Variants in RPS6KA3 observed in about 807,000 individuals in gnomAD.
RPS6KA3 encodes the protein ribosomal protein S6 kinase A3, also known as ribosomal protein S6 kinase alpha-3.
Under a neutral mutation model 67.2 loss-of-function variants are expected in RPS6KA3, and 4 were observed. The observed-to-expected ratio is 0.06, with a 90% CI of 0.03 to 0.14. The LOEUF (loss-of-function observed/expected upper bound fraction) is 0.14, where lower values mean the gene tolerates loss of function less well. Among genes scored for constraint, RPS6KA3 ranks in the 10% least tolerant of loss-of-function variants. The probability of loss-of-function intolerance (pLI) is 1.00; values close to 1 mark genes in which losing one functional copy is unlikely to be tolerated. For missense variants in RPS6KA3, 204 were observed against 559.0 expected, an observed-to-expected ratio of 0.36 and a Z score of 6.40; for synonymous variants, 182 against 183.7, an observed-to-expected ratio of 0.99 and a Z score of 0.07.
rs372795866 is a variant in RPS6KA3, at chrX:20,175,150, A to G, written c.1227+14T>C. ...CAACATTCCAAATCTAAAATTATTT[A>G]GACATCCACTCACCTGAACAATTGA... On this transcript the variant is annotated intron_variant, in intron 14 of 21. Transcript: ENST00000379565. 21 of 1,194,470 alleles carry G rather than the reference A, an allele frequency of 1.8e-5. No individual in the cohort carries two copies. The highest frequency in any genetic ancestry group is 2.2e-5 in the Non-Finnish European group (19 of 880,698).
intron 2 of RPS6KA3, among the ~76,000 whole-genome samples, chrX:20,211,066 G>A (rs1041481287): frequency 1.8e-5 from 2 of 109,840 alleles, no homozygotes; most frequent in Non-Finnish European, 3.8e-5. Flanking sequence ...TAGAAATCCA[G>A]GAAATACTAT....
intron 3 of RPS6KA3, among the ~76,000 whole-genome samples, chrX:20,207,186 G>C (rs2068593391): frequency 8.9e-6 from 1 of 111,878 alleles, no homozygotes; most frequent in Non-Finnish European, 1.9e-5. Context: ...ATTCTCAAGG[G>C]GTGGCAGGCA....
intron 2 of RPS6KA3, among the ~76,000 whole-genome samples, chrX:20,214,859 G>C (rs1397505186): frequency 1.3e-4 from 11 of 85,441 alleles, no homozygotes; most frequent in African/African-American, 4.8e-4. Context: ...TTTTTTTTGA[G>C]ACAGGGTCTC....
intron 10 of RPS6KA3, among the ~76,000 whole-genome samples, chrX:20,177,742 T>TC (rs2067734899): frequency 8.9e-6 from 1 of 111,869 alleles, no homozygotes; most frequent in Admixed American, 9.5e-5. Flanking sequence ...TCGGAACTCC[T>TC]CCTCAAAGGG....
At chrX:20,252,326 G>A (rs1422588064) in intron 1 of RPS6KA3, among the ~76,000 whole-genome samples, 1 of 111,389 alleles carries the variant, frequency 9.0e-6, no homozygotes, top group Non-Finnish European at 1.9e-5. Context: ...TCTCACTCAT[G>A]TTGCGATTTT....
chrX:20,177,541 A>C (rs2067729582), intron 10 of RPS6KA3, among the ~76,000 whole-genome samples: 1 of 112,802 alleles, frequency 8.9e-6, no homozygotes, highest in South Asian at 3.6e-4. Context: ...TTTAGTTCAT[A>C]ATCTAATAAG....
chrX:20,159,675 AACTT>A (rs2045097370), intron 20 of RPS6KA3, among the ~76,000 whole-genome samples: 1 of 111,954 alleles, frequency 8.9e-6, no homozygotes, highest in Non-Finnish European at 1.9e-5. Context: ...TGATAACCTC[AACTT>A]GCTTTAACTT....
intron 1 of RPS6KA3, among the ~76,000 whole-genome samples, chrX:20,240,361 T>C (rs1279393882): frequency 2.1e-5 from 2 of 96,995 alleles, no homozygotes; most frequent in East Asian, 6.8e-4. Flanking sequence ...AACTCCCTGA[T>C]ATCAGCAGTG....
At chrX:20,213,915 A>G (rs931949439) in intron 2 of RPS6KA3, among the ~76,000 whole-genome samples, 34 of 108,551 alleles carry the variant, frequency 3.1e-4, no homozygotes, top group African/African-American at 1.0e-3. Context: ...GGCCCATAAC[A>G]ACGACTCCCA....
Position 20,193,537 on chromosome X carries a change from T to C in RPS6KA3, c.543A>G (p.Leu181=), listed in dbSNP as rs372392341. 11 of 1,200,499 alleles carry C rather than the reference T, an allele frequency of 9.2e-6. No homozygotes were observed. The African/African-American group carries it at 1.7e-4, about 19-fold the overall frequency. ...TTATTCCCAGGCTATGTAGATGGTC[T>C]AAAGCAAGTGCAAGTTCAGCCAAGT... ...KFYLAELALA[L]DHLHSLGIIY... is the part of the protein sequence containing the mutation. The change falls in exon 7 of 22, where the codon TTA becomes TTG. Residue 181 remains leucine, a synonymous_variant. Transcript: ENST00000379565.
chrX:20,194,223 C>T lies in RPS6KA3; in HGVS notation c.452G>A (p.Arg151Lys). The stretch of plus-strand genomic sequence containing the variant: ...TAAGCGTGTAAACAAATCTCCTCCC[C>T]TGAGAAAATCCAAAATAAGATACAA... ...GKLYLILDFLRGGDLFTRLSK... is the reference protein window; with the variant it reads ...GKLYLILDFLKGGDLFTRLSK... Residue 151 changes from arginine (R) to lysine (K), a missense_variant, in exon 6 of 22, where the codon AGG becomes AAG. Physicochemically the swap from Arg to Lys is conservative, Grantham distance 26. Coordinates refer to ENST00000379565, the MANE Select transcript of RPS6KA3 (RefSeq NM_004586.3). 4.2e-6 allele frequency: 5 copies of T among 1,193,602 alleles called. No homozygotes were observed. The highest frequency in any genetic ancestry group is 5.7e-6 in the Non-Finnish European group (5 of 879,650).
chrX:20,162,965 C>T lies in RPS6KA3; in HGVS notation c.1840G>A (p.Gly614Ser), dbSNP rs772004070. 4 of 1,124,982 alleles carry T rather than the reference C, an allele frequency of 3.6e-6. No individual in the cohort carries two copies. The highest frequency in any genetic ancestry group is 4.9e-6 in the Non-Finnish European group (4 of 816,315). 92.7% of individuals were successfully genotyped at this position (1,124,982 alleles called of 1,213,427 possible). A position where few individuals can be genotyped will look rare whatever the true frequency, so the allele number is the denominator to read the frequency against. ...LGVLLYTMLTGYTPFANGPDD... is the reference protein window; with the variant it reads ...LGVLLYTMLTSYTPFANGPDD... ...TTAGAACATATGGTATACACTCACC[C>T]GGTAAGCATTGTATAGAGTAGGACA... The change falls in exon 19 of 22, where the codon GGT becomes AGT. Residue 614 changes from glycine to serine, a missense_variant and splice_region_variant. Gly to Ser is a moderately conservative substitution (Grantham distance 56). This residue lies in a region of RPS6KA3 where 73 missense variants were observed against 241.1 expected (regional missense o/e 0.30). Coordinates refer to ENST00000379565, the MANE Select transcript of RPS6KA3 (RefSeq NM_004586.3).
chrX:20,229,062 A>G (rs2069193256), intron 2 of RPS6KA3, among the ~76,000 whole-genome samples: 1 of 111,448 alleles, frequency 9.0e-6, no homozygotes. Context: ...AATATGGACT[A>G]AGCTACTATA....
intron 6 of RPS6KA3, 111 bp from the exon 7 acceptor site, chrX:20,193,704 T>C: frequency 2.1e-6 from 1 of 472,092 alleles, no homozygotes; most frequent in South Asian, 3.4e-5. Context: ...ATGATAATTA[T>C]ACATAGCTTT....
At chrX:20,250,479 G>A (rs1036440326) in intron 1 of RPS6KA3, among the ~76,000 whole-genome samples, 1 of 112,139 alleles carries the variant, frequency 8.9e-6, no homozygotes, top group African/African-American at 3.2e-5. Flanking sequence ...ACACCATTAA[G>A]TTTTATGTTA....
intron 2 of RPS6KA3, among the ~76,000 whole-genome samples, chrX:20,215,929 T>C (rs2068838428): frequency 8.9e-6 from 1 of 112,437 alleles, no homozygotes; most frequent in South Asian, 3.7e-4. Context: ...TGACATTTTG[T>C]AAAACTGTAT....
chrX:20,235,685 G>C (rs1234474727), intron 1 of RPS6KA3, among the ~76,000 whole-genome samples: 1 of 111,345 alleles, frequency 9.0e-6, no homozygotes, highest in Non-Finnish European at 1.9e-5. Flanking sequence ...GGGTACGGGG[G>C]AGAGAGCACT....
chrX:20,219,720 A>T (rs1473330757), intron 2 of RPS6KA3, among the ~76,000 whole-genome samples: 1 of 111,758 alleles, frequency 8.9e-6, no homozygotes, highest in Admixed American at 9.5e-5. Flanking sequence ...TCATCCTCTA[A>T]TACGTTATAG....
chrX:20,249,329 C>T (rs1393004760), intron 1 of RPS6KA3, among the ~76,000 whole-genome samples: 1 of 111,818 alleles, frequency 8.9e-6, no homozygotes, highest in Non-Finnish European at 1.9e-5. Context: ...GGTGAATGTC[C>T]AGGAGTACAA....
Sources: gnomAD v4.1 joint callset for allele counts (sites outside exome capture counted in the v4.1 genomes callset) on GRCh38, gnomAD v4.1.1 for gene constraint, gnomAD v4.1.1 regional missense constraint, MANE v1.5 for transcripts, NCBI Gene and HGNC (gene_info 2026-07-23, HGNC 2026-07-21) for gene names.